CATSPERE: variants seen among roughly 807,000 people sequenced by gnomAD.
The protein encoded by CATSPERE is catsper channel auxiliary subunit epsilon.
A neutral mutation model predicts 114.1 loss-of-function variants in CATSPERE; 93 were observed. The ratio of observed to expected loss-of-function variants is 0.81; its 90% CI spans 0.69 to 0.97. The LOEUF (loss-of-function observed/expected upper bound fraction) is 0.97, where lower values mean the gene tolerates loss of function less well. CATSPERE is among the 50% of genes least tolerant of loss of function. The pLI is 0.00. For synonymous variants in CATSPERE, 341 were observed against 384.1 expected (o/e 0.89, Z 1.31); for missense variants, 1,058 against 1,131.6 (o/e 0.93, Z 0.93).
intron 8 of CATSPERE, among the ~76,000 whole-genome samples, chr1:244,535,033 G>A (rs1002544111): frequency 1.3e-5 from 2 of 151,896 alleles, no homozygotes; most frequent in African/African-American, 2.4e-5. Flanking sequence ...TGGTGGTCTT[G>A]GAAAAAATCT....
intron 8 of CATSPERE, among the ~76,000 whole-genome samples, chr1:244,528,791 A>ATG (rs1553342528): frequency 1.5e-4 from 22 of 147,258 alleles, no homozygotes; most frequent in African/African-American, 5.4e-4. Context: ...CCCACCACAC[A>ATG]CACACACACA....
Position 244,593,539 on chromosome 1 carries a change from G to C in CATSPERE, c.2264G>C (p.Arg755Thr), listed in dbSNP as rs777936975. ...TGGGGAGAATATGGCTGCCCTCTGA[G>C]GCTTGACTTCACAGAAAAGTTTCAA... ...YIWGEYGCPL[R>T]LDFTEKFQPV... Residue 755 changes from arginine (R) to threonine (T), a missense_variant, in exon 17 of 22, where the codon AGG (arginine) becomes ACG (threonine). Coordinates refer to ENST00000366534, the MANE Select transcript of CATSPERE (RefSeq NM_001130957.2). The C allele has an allele frequency of 2.5e-6, 4 of 1,614,026 alleles. No homozygotes were observed. The South Asian group carries it at 4.4e-5, about 18-fold the overall frequency.
chr1:244,515,093 C>T lies in CATSPERE; in HGVS notation c.430-3499C>T, dbSNP rs545856912. Among the ~76,000 whole-genome samples the T allele has an allele frequency of 3.9e-5, 6 of 152,302 alleles. No homozygotes were observed. In the East Asian group the frequency reaches 1.2e-3, roughly 29 times the overall value. On this transcript the variant is annotated intron_variant, in intron 7 of 21. Transcript: ENST00000366534. ...CCATTGTACTAAGAATAAAATCTAA[C>T]TTATTTTCCAAAGCATACAATGCTT...
chr1:244,553,547 C>G (rs1222848957), intron 9 of CATSPERE, among the ~76,000 whole-genome samples: 8 of 142,530 alleles, frequency 5.6e-5, no homozygotes, highest in Non-Finnish European at 1.2e-4. Flanking sequence ...TGCCACTGCA[C>G]TCCAGCCTGG....
At chr1:244,553,301 C>A (rs996522358) in intron 9 of CATSPERE, among the ~76,000 whole-genome samples, 4 of 151,982 alleles carry the variant, frequency 2.6e-5, no homozygotes, top group African/African-American at 4.8e-5. Flanking sequence ...GTGGCTCACA[C>A]CTGTAATCAC....
intron 8 of CATSPERE, among the ~76,000 whole-genome samples, chr1:244,537,929 A>G (rs1484854920): frequency 6.6e-6 from 1 of 152,194 alleles, no homozygotes; most frequent in Non-Finnish European, 1.5e-5. Context: ...CTGTTAATTA[A>G]TGATAGAGAG....
At chr1:244,601,119 G>A (rs1669154337) in intron 17 of CATSPERE, among the ~76,000 whole-genome samples, 2 of 152,104 alleles carry the variant, frequency 1.3e-5, no homozygotes, top group Admixed American at 6.5e-5. Context: ...ACATGAAAAT[G>A]TAGTCATTAA....
rs755415854 is a variant in CATSPERE, at chr1:244,583,879, TCTTGTGC to T, written c.2026_2032del (p.Leu676TrpfsTer15). ...TTTCTCCTAGAGACAAGCACACGGGTCTTGTGCTGGTTCAGTTTCGACCTAGTGAATA... is the reference window on the plus strand; with the variant it reads ...TTTCTCCTAGAGACAAGCACACGGGTTGGTTCAGTTTCGACCTAGTGAATA... On this transcript the variant is annotated frameshift_variant, in exon 13 of 22. Transcript: ENST00000366534. LOFTEE classifies it high-confidence loss of function. 7 of 1,613,860 alleles carry T rather than the reference TCTTGTGC, an allele frequency of 4.3e-6. No individual in the cohort carries two copies. Among genetic ancestry groups the T allele is most frequent in the Non-Finnish European group, 5.9e-6 (7 of 1,179,802 alleles).
At chr1:244,588,448 T>G (rs754460092) in intron 13 of CATSPERE, 34 bp from the exon 14 acceptor site, 1 of 1,529,420 alleles carries the variant, frequency 6.5e-7, no homozygotes, top group African/African-American at 1.4e-5. Context: ...GAATCAGAAC[T>G]GCTGAACTCA....
intron 4 of CATSPERE, 144 bp from the exon 5 acceptor site, chr1:244,479,573 T>C (rs1291061199): frequency 2.8e-6 from 1 of 354,472 alleles, no homozygotes; most frequent in African/African-American, 2.1e-5. Context: ...TTTAAATATA[T>C]ATTTAAATTC....
rs746835400 is a variant in CATSPERE at position 244,607,570 on chromosome 1, T to C, written c.2403+1776T>C. Among the ~76,000 whole-genome samples, 3 of 152,190 alleles carry C rather than the reference T, an allele frequency of 2.0e-5. No individual in the cohort carries two copies. The highest frequency in any genetic ancestry group is 4.4e-5 in the Non-Finnish European group (3 of 68,034). On this transcript the variant is annotated intron_variant, in intron 18 of 21. Coordinates refer to ENST00000366534, the MANE Select transcript of CATSPERE (RefSeq NM_001130957.2). The surrounding 1 kb of genome is among the most constrained non-coding windows in gnomAD (Gnocchi z 4.4). ...ATGACTGGTTCGCATGGCTGGAATATGAGCAGAAGTCATAGGTGTCACTTC... is the reference window on the plus strand; with the variant it reads ...ATGACTGGTTCGCATGGCTGGAATACGAGCAGAAGTCATAGGTGTCACTTC...
intron 2 of CATSPERE, among the ~76,000 whole-genome samples, chr1:244,465,680 G>T (rs1382555061): frequency 4.6e-5 from 7 of 152,118 alleles, no homozygotes; most frequent in Admixed American, 3.9e-4. Flanking sequence ...CATCTAGTTT[G>T]TTCTTCCACA....
chr1:244,523,198 A>G (rs1225765696), intron 8 of CATSPERE, among the ~76,000 whole-genome samples: 1 of 149,726 alleles, frequency 6.7e-6, no homozygotes, highest in East Asian at 1.9e-4. Flanking sequence ...AAATCAATAA[A>G]TGTAATCCAG....
intron 8 of CATSPERE, among the ~76,000 whole-genome samples, chr1:244,543,609 T>C (rs1238742281): frequency 1.4e-5 from 2 of 141,484 alleles, no homozygotes; most frequent in Non-Finnish European, 3.0e-5. Context: ...TATATATGTA[T>C]TTTATCTTTA....
In CATSPERE at chr1:244,552,624, G is replaced by A; in HGVS notation, c.839G>A (p.Ser280Asn). Reference protein sequence around the residue: ...TRIRVPPDILSDDERRSVAHV... With the variant: ...TRIRVPPDILNDDERRSVAHV... ...ATCAGAGTGCCTCCAGACATTCTGA[G>A]TGATGATGAAAGACGGAGTGTGGCT... Residue 280 changes from serine (S) to asparagine (N), a missense_variant, in exon 9 of 22, where the codon AGT (serine) becomes AAT (asparagine). By Grantham distance (46) the Ser-to-Asn change is conservative (BLOSUM62 1). This residue lies in a region of CATSPERE where 787 missense variants were observed against 905.6 expected (regional missense o/e 0.87). Transcript: ENST00000366534. The A allele has an allele frequency of 6.2e-7, 1 of 1,614,186 alleles. No individual in the cohort carries two copies. Among genetic ancestry groups the A allele is most frequent in the Non-Finnish European group, 8.5e-7 (1 of 1,180,030 alleles).
At chr1:244,525,852 G>T (rs557623846) in intron 8 of CATSPERE, among the ~76,000 whole-genome samples, 3 of 152,300 alleles carry the variant, frequency 2.0e-5, no homozygotes, top group African/African-American at 4.8e-5. Context: ...GTAAGTAACA[G>T]AAAACTTGAT....
At chr1:244,547,825 T>C (rs1659996830) in intron 8 of CATSPERE, among the ~76,000 whole-genome samples, 2 of 152,178 alleles carry the variant, frequency 1.3e-5, no homozygotes, top group Non-Finnish European at 1.5e-5. Context: ...TTACATTGAA[T>C]GTAAGTGGAT....
At chr1:244,527,181 G>A (rs2148402070) in intron 8 of CATSPERE, among the ~76,000 whole-genome samples, 1 of 152,248 alleles carries the variant, frequency 6.6e-6, no homozygotes, top group South Asian at 2.1e-4. Flanking sequence ...TTTATTAGGG[G>A]GTAATTTCCT....
chr1:244,549,142 G>A (rs1660209449), intron 8 of CATSPERE, among the ~76,000 whole-genome samples: 1 of 152,174 alleles, frequency 6.6e-6, no homozygotes, highest in Non-Finnish European at 1.5e-5. Context: ...GTATTACCAT[G>A]CTCTGTGATT....
Sources: gnomAD v4.1 joint callset for allele counts (sites outside exome capture counted in the v4.1 genomes callset) on GRCh38, gnomAD v4.1.1 for gene constraint, gnomAD v4.1.1 regional missense constraint, Gnocchi (gnomAD v3.1) non-coding constraint, MANE v1.5 for transcripts, NCBI Gene and HGNC (gene_info 2026-07-23, HGNC 2026-07-21) for gene names.